The following PDLIM5 variants were observed in gnomAD, a reference collection of about 807,000 sequenced individuals.
PDLIM5 encodes PDZ and LIM domain protein 5.
Under a neutral mutation model 64.2 loss-of-function variants are expected in PDLIM5, and 34 were observed. The ratio of observed to expected loss-of-function variants is 0.53; its 90% CI spans 0.40 to 0.71. The LOEUF is 0.71. Among genes scored for constraint, PDLIM5 ranks in the 30% least tolerant of loss-of-function variants. The pLI is 0.00. For missense variants in PDLIM5, 683 were observed against 733.6 expected, an observed-to-expected ratio of 0.93 and a Z score of 0.80; for synonymous variants, 253 against 269.1, an observed-to-expected ratio of 0.94 and a Z score of 0.59.
intron 8 of PDLIM5, among the ~76,000 whole-genome samples, chr4:94,634,424 A>G (rs572622706): frequency 6.6e-6 from 1 of 152,342 alleles, no homozygotes; most frequent in Non-Finnish European, 1.5e-5. Flanking sequence ...CACTACTTCT[A>G]ATAAGAGTAA....
intron 7 of PDLIM5, chr4:94,608,280 G>A: frequency 1.5e-6 from 1 of 646,708 alleles, no homozygotes; most frequent in Admixed American, 3.0e-5. Context: ...ATTACAGAAC[G>A]GACATCATTA....
intron 2 of PDLIM5, among the ~76,000 whole-genome samples, chr4:94,505,239 C>CATTTCAG (rs1728285721): frequency 6.6e-6 from 1 of 151,980 alleles, no homozygotes. Flanking sequence ...GACTGCTCCA[C>CATTTCAG]ATTTCAGATG....
At chr4:94,586,501 T>C in intron 7 of PDLIM5, 57 bp downstream of exon 7, 1 of 1,064,196 alleles carries the variant, frequency 9.4e-7, no homozygotes, top group East Asian at 2.4e-5. Flanking sequence ...TGGTCTCAAT[T>C]TAGTTTTTCA....
At chr4:94,661,237 T>C (rs1314873559) in intron 11 of PDLIM5, among the ~76,000 whole-genome samples, 1 of 152,002 alleles carries the variant, frequency 6.6e-6, no homozygotes, top group Non-Finnish European at 1.5e-5. Context: ...AAAAAAATTT[T>C]TTTTTAATTA....
At chr4:94,602,616 C>T (rs1448215632) in intron 7 of PDLIM5, among the ~76,000 whole-genome samples, 1 of 152,076 alleles carries the variant, frequency 6.6e-6, no homozygotes, top group Non-Finnish European at 1.5e-5. Context: ...CCACACCCAG[C>T]TAATTTTTAT....
chr4:94,661,819 GTTC>G (rs1742741658), intron 11 of PDLIM5, among the ~76,000 whole-genome samples: 2 of 150,384 alleles, frequency 1.3e-5, no homozygotes, highest in African/African-American at 4.9e-5. Flanking sequence ...TCACAGAACA[GTTC>G]TTTTTTTTTT....
chr4:94,546,977 A>C (rs1162277809), intron 3 of PDLIM5, among the ~76,000 whole-genome samples: 2 of 152,098 alleles, frequency 1.3e-5, no homozygotes, highest in East Asian at 3.8e-4. Context: ...TAAGGAAAAA[A>C]AAATATATAT....
In PDLIM5 at chr4:94,527,145, G is replaced by A. The variant is rs536864878; in HGVS notation, c.248+3270G>A. ...AATCTCAGCTCACTGCACCCTCCACGTCCCAGGTTCAAGCAATTCTCCTGC... is the reference window on the plus strand; with the variant it reads ...AATCTCAGCTCACTGCACCCTCCACATCCCAGGTTCAAGCAATTCTCCTGC... On this transcript the variant is annotated intron_variant, in intron 3 of 12. Coordinates refer to ENST00000317968, the MANE Select transcript of PDLIM5 (RefSeq NM_006457.5). 9.4e-5 allele frequency among the ~76,000 whole-genome samples: 12 copies of A among 127,406 alleles called. No individual in the cohort carries two copies. In the East Asian group the frequency reaches 1.1e-3, roughly 11 times the overall value. The allele number at this position is 127,406 out of a possible 152,430, so 83.6% of individuals were successfully genotyped here.
At chr4:94,650,971 C>T (rs868378064) in intron 9 of PDLIM5, among the ~76,000 whole-genome samples, 5 of 152,218 alleles carry the variant, frequency 3.3e-5, no homozygotes, top group Middle Eastern at 3.4e-3. Context: ...CACAGGACAT[C>T]GAATACTAGA....
intron 2 of PDLIM5, among the ~76,000 whole-genome samples, chr4:94,506,939 C>T (rs1728446293): frequency 6.6e-6 from 1 of 152,190 alleles, no homozygotes; most frequent in African/African-American, 2.4e-5. Context: ...TGGCTTTCAT[C>T]TTTCTCCCAC....
intron 2 of PDLIM5, among the ~76,000 whole-genome samples, chr4:94,481,079 C>T (rs952306265): frequency 6.6e-6 from 1 of 152,112 alleles, no homozygotes; most frequent in Non-Finnish European, 1.5e-5. Flanking sequence ...TTTAGATATA[C>T]AAAAATTTAT....
intron 2 of PDLIM5, among the ~76,000 whole-genome samples, chr4:94,457,542 T>C (rs912576603): frequency 2.0e-5 from 3 of 152,226 alleles, no homozygotes; most frequent in African/African-American, 7.2e-5. Context: ...AAGTTATTAG[T>C]TTAAATGCTT....
At chr4:94,532,921 T>C (rs1731018453) in intron 3 of PDLIM5, among the ~76,000 whole-genome samples, 5 of 152,128 alleles carry the variant, frequency 3.3e-5, no homozygotes, top group Admixed American at 3.3e-4. Flanking sequence ...GAGAATTACT[T>C]GAGCCCGGGA....
intron 9 of PDLIM5, 54 bp downstream of exon 9, chr4:94,640,504 T>G (rs1209803481): frequency 1.0e-5 from 11 of 1,050,848 alleles, no homozygotes; most frequent in African/African-American, 8.1e-5. Context: ...TGTTGGGTTT[T>G]TTTTTTTTTT....
chr4:94,542,642 A>G (rs3792665), intron 3 of PDLIM5, among the ~76,000 whole-genome samples: 8,867 of 152,194 alleles, frequency 0.058, 327 homozygotes, highest in African/African-American at 0.11. Context: ...ACTGTCCTAC[A>G]CAAGCAATAT....
At position 94,573,385 on chromosome 4, in the gene PDLIM5, G is replaced by A; in HGVS notation, c.283G>A (p.Val95Ile). ...SAAPKPEPVP[V>I]QKGEPKEVVK... Reference sequence around the variant, plus strand: ...TGCACCCAAGCCTGAGCCGGTTCCTGTTCAAAAGGTGTGTTTTTAAGCTAG... The same window carrying A: ...TGCACCCAAGCCTGAGCCGGTTCCTATTCAAAAGGTGTGTTTTTAAGCTAG... Residue 95 changes from valine (V) to isoleucine (I), a missense_variant, in exon 4 of 13, where the codon GTT (valine) becomes ATT (isoleucine). Transcript: ENST00000317968. 1 of 1,611,522 alleles carries A rather than the reference G, an allele frequency of 6.2e-7. No homozygotes were observed. Among genetic ancestry groups the A allele is most frequent in the Non-Finnish European group, 8.5e-7 (1 of 1,178,400 alleles).
At chr4:94,590,380 A>G (rs1216347912) in intron 7 of PDLIM5, among the ~76,000 whole-genome samples, 1 of 152,196 alleles carries the variant, frequency 6.6e-6, no homozygotes, top group Non-Finnish European at 1.5e-5. Context: ...ATGTGTATTT[A>G]AAATCATATA....
At chr4:94,495,839 A>C (rs960157394) in intron 2 of PDLIM5, among the ~76,000 whole-genome samples, 1 of 152,214 alleles carries the variant, frequency 6.6e-6, no homozygotes, top group African/African-American at 2.4e-5. Context: ...TGTGAGCTTG[A>C]AAGATGACAG....
In PDLIM5 at chr4:94,451,988, G is replaced by C. The variant is rs544206833; in HGVS notation, c.-50G>C. 1 of 152,322 alleles carries C rather than the reference G, an allele frequency of 6.6e-6. No homozygotes were observed. The highest frequency in any genetic ancestry group is 2.4e-5 in the African/African-American group (1 of 41,464). 9.4% of individuals were successfully genotyped at this position (152,322 alleles called of 1,614,324 possible). On this transcript the variant is annotated 5_prime_UTR_variant, in exon 1 of 13. Coordinates refer to ENST00000317968, the MANE Select transcript of PDLIM5 (RefSeq NM_006457.5). ...GCGGAGGCAGCCCCGCGCCGCGCCGGACCCGAGGTGAGTGGCGGCCGGCCG... is the reference window on the plus strand; with the variant it reads ...GCGGAGGCAGCCCCGCGCCGCGCCGCACCCGAGGTGAGTGGCGGCCGGCCG...
Sources: allele counts gnomAD v4.1 joint callset (sites outside exome capture counted in the v4.1 genomes callset), GRCh38; gene constraint gnomAD v4.1.1; transcripts MANE v1.5; gene names NCBI Gene and HGNC (gene_info 2026-07-23, HGNC 2026-07-21).